The following FTO variants were observed in gnomAD, a reference collection of about 807,000 sequenced individuals.
FTO encodes FTO alpha-ketoglutarate dependent dioxygenase, also known as alpha-ketoglutarate-dependent dioxygenase FTO.
Under a neutral mutation model 63.9 loss-of-function variants are expected in FTO, and 47 were observed. The observed-to-expected ratio is 0.74, with a 90% CI of 0.58 to 0.94. FTO has a LOEUF of 0.94. Ranked by LOEUF, FTO falls within the 40% of genes least tolerant of loss-of-function variation. The pLI is 0.00. For synonymous variants in FTO, 207 were observed against 224.4 expected, an observed-to-expected ratio of 0.92 and a Z score of 0.69; for missense variants, 562 against 618.1, an observed-to-expected ratio of 0.91 and a Z score of 0.96.
intron 8 of FTO, among the ~76,000 whole-genome samples, chr16:54,081,657 G>C (rs2086144980): frequency 6.6e-6 from 1 of 152,200 alleles, no homozygotes; most frequent in African/African-American, 2.4e-5. Context: ...ATTGTTTGGA[G>C]ATAGGGCATG....
intron 8 of FTO, among the ~76,000 whole-genome samples, chr16:54,035,729 A>T (rs2084929385): frequency 6.6e-6 from 1 of 152,198 alleles, no homozygotes; most frequent in Admixed American, 6.5e-5. Flanking sequence ...GAAAGTTTCG[A>T]TACTGACAAA....
chr16:54,014,698 A>G (rs2084395859), intron 8 of FTO, among the ~76,000 whole-genome samples: 1 of 152,052 alleles, frequency 6.6e-6, no homozygotes, highest in Admixed American at 6.6e-5. Flanking sequence ...GACTGAACCA[A>G]GGAATCACCC....
intron 8 of FTO, among the ~76,000 whole-genome samples, chr16:54,018,452 T>TA (rs1567520098): frequency 3.0e-5 from 4 of 133,674 alleles, no homozygotes; most frequent in African/African-American, 1.0e-4. Context: ...ATACATACAT[T>TA]CATTCATGTG....
intron 8 of FTO, among the ~76,000 whole-genome samples, chr16:54,082,709 A>G (rs994746182): frequency 6.6e-6 from 1 of 152,226 alleles, no homozygotes; most frequent in Non-Finnish European, 1.5e-5. Context: ...CATGGTAAGC[A>G]AACTTTAATT....
chr16:54,076,645 G>A (rs1186877888), intron 8 of FTO, among the ~76,000 whole-genome samples: 3 of 152,094 alleles, frequency 2.0e-5, no homozygotes, highest in South Asian at 2.1e-4. Flanking sequence ...TTATGTGGGT[G>A]TAAGCAGCAT....
chr16:54,089,862 TAAAAA>T (rs367617501), intron 8 of FTO, among the ~76,000 whole-genome samples: 12 of 140,870 alleles, frequency 8.5e-5, no homozygotes, highest in Non-Finnish European at 1.9e-4. Flanking sequence ...GGATGGCAAT[TAAAAA>T]AAAAAAAAGA....
chr16:53,793,779 A>G (rs1468448696), intron 1 of FTO, among the ~76,000 whole-genome samples: 1 of 152,274 alleles, frequency 6.6e-6, no homozygotes, highest in East Asian at 1.9e-4. Context: ...AAAGGTGCTC[A>G]TAATAAAATG....
chr16:53,789,753 C>CATACATATAT (rs1555634070), intron 1 of FTO, among the ~76,000 whole-genome samples: 1 of 147,192 alleles, frequency 6.8e-6, no homozygotes, highest in South Asian at 2.1e-4. Flanking sequence ...CTGGAACATA[C>CATACATATAT]ATATATATAT....
chr16:53,842,968 C>T lies in FTO; in HGVS notation c.752-1187C>T, dbSNP rs140290371. Among the ~76,000 whole-genome samples, 889 of 152,348 alleles carry T rather than the reference C, an allele frequency of 5.8e-3. 5 individuals carry two copies. Among genetic ancestry groups the T allele is most frequent in the Non-Finnish European group, 7.8e-3 (533 of 68,034 alleles). ...GGGATTAGAGGTGTGAGCCACTGCGCCCAGTCTGTACTTTGTTTTCTATAT... is the reference window on the plus strand; with the variant it reads ...GGGATTAGAGGTGTGAGCCACTGCGTCCAGTCTGTACTTTGTTTTCTATAT... On this transcript the variant is annotated intron_variant, in intron 3 of 8. Coordinates refer to ENST00000471389, the MANE Select transcript of FTO (RefSeq NM_001080432.3).
intron 8 of FTO, among the ~76,000 whole-genome samples, chr16:53,950,399 T>C (rs950378380): frequency 6.6e-6 from 1 of 152,160 alleles, no homozygotes; most frequent in Non-Finnish European, 1.5e-5. Context: ...TGGATTCTTC[T>C]AAAGATCAAA....
chr16:53,832,233 T>A (rs2079163072), intron 3 of FTO, among the ~76,000 whole-genome samples: 2 of 152,206 alleles, frequency 1.3e-5, no homozygotes, highest in Non-Finnish European at 1.5e-5. Flanking sequence ...CTCCCCTCTG[T>A]GAATGGCTTT....
At chr16:53,828,695 C>T (rs964808083) in intron 3 of FTO, among the ~76,000 whole-genome samples, 12 of 152,160 alleles carry the variant, frequency 7.9e-5, no homozygotes, top group African/African-American at 1.2e-4. Flanking sequence ...TTGCTATCCT[C>T]ATTTTACAGA....
intron 8 of FTO, among the ~76,000 whole-genome samples, chr16:53,971,691 C>T (rs1420294699): frequency 6.6e-6 from 1 of 152,224 alleles, no homozygotes; most frequent in Admixed American, 6.5e-5. Flanking sequence ...CCCCCTGTCT[C>T]AGCAGTGCTG....
chr16:53,771,117 A>C (rs934963878), intron 1 of FTO, among the ~76,000 whole-genome samples: 1 of 152,126 alleles, frequency 6.6e-6, no homozygotes, highest in African/African-American at 2.4e-5. Flanking sequence ...GAAATATAGC[A>C]ACTGCTTCTG....
intron 7 of FTO, among the ~76,000 whole-genome samples, chr16:53,932,174 G>A (rs958461399): frequency 1.3e-5 from 2 of 152,162 alleles, no homozygotes; most frequent in South Asian, 2.1e-4. Context: ...CTGGAGGGCT[G>A]AAAATGTTGT....
At chr16:54,071,944 A>T (rs575857123) in intron 8 of FTO, 6 of 152,230 alleles carry the variant, frequency 3.9e-5, no homozygotes, top group Admixed American at 2.0e-4. Context: ...CCCCTACGTT[A>T]GGGGCAAAGG....
At chr16:54,051,061 G>A (rs555071355) in intron 8 of FTO, among the ~76,000 whole-genome samples, 5 of 152,264 alleles carry the variant, frequency 3.3e-5, no homozygotes, top group African/African-American at 1.2e-4. Flanking sequence ...TCTACAAAAA[G>A]CGTTATCCAT....
chr16:54,062,767 C>T (rs191574954), intron 8 of FTO, among the ~76,000 whole-genome samples: 223 of 152,252 alleles, frequency 1.5e-3, no homozygotes, highest in African/African-American at 5.0e-3. Flanking sequence ...TGCTGTTATG[C>T]GCTGGCTTGA....
intron 7 of FTO, among the ~76,000 whole-genome samples, chr16:53,917,850 AT>A (rs1367901469): frequency 6.6e-6 from 1 of 151,974 alleles, no homozygotes; most frequent in Non-Finnish European, 1.5e-5. Context: ...CAGGGACTGC[AT>A]TTGTCTTAGG....
Sources: gnomAD v4.1 joint callset for allele counts (sites outside exome capture counted in the v4.1 genomes callset) on GRCh38, gnomAD v4.1.1 for gene constraint, MANE v1.5 for transcripts, NCBI Gene and HGNC (gene_info 2026-07-23, HGNC 2026-07-21) for gene names.